FOXJ2: variants seen among roughly 807,000 people sequenced by gnomAD.
The protein encoded by FOXJ2 is forkhead box protein J2.
FOXJ2 carries 18 observed loss-of-function variants against 68.4 expected under a neutral mutation model. That is an observed-to-expected ratio of 0.26 (90% CI 0.18 to 0.39). The LOEUF (loss-of-function observed/expected upper bound fraction) is 0.39, where lower values mean the gene tolerates loss of function less well. Among genes scored for constraint, FOXJ2 ranks in the 10% least tolerant of loss-of-function variants. The pLI, the probability that FOXJ2 is intolerant of heterozygous loss-of-function variation, is 1.00. For synonymous variants in FOXJ2, 274 were observed against 263.2 expected (o/e 1.04, Z -0.40); for missense variants, 670 against 726.5 (o/e 0.92, Z 0.89).
chr12:8,048,662 C>G (rs1412454546), intron 7 of FOXJ2, 35 bp from the exon 8 acceptor site: 1 of 1,573,330 alleles, frequency 6.4e-7, no homozygotes, highest in African/African-American at 1.4e-5. Flanking sequence ...ACACTTCACT[C>G]TATCTTATTA....
rs1406554016 is a variant in FOXJ2, at chr12:8,032,918, G to T, written c.-930G>T. 5.0e-6 allele frequency: 2 copies of T among 397,848 alleles called. No individual in the cohort carries two copies. The highest frequency in any genetic ancestry group is 2.1e-5 in the African/African-American group (1 of 48,582). The allele number at this position is 397,848 out of a possible 1,614,324, so 24.6% of individuals were successfully genotyped here. On this transcript the variant is annotated 5_prime_UTR_variant, in exon 1 of 11. Transcript: ENST00000162391. The surrounding 1 kb of genome is among the most constrained non-coding windows in gnomAD (Gnocchi z 4.8). ...AGCAGGGACCGGAGTCTCGAGCCGC[G>T]GCCTCCCGGACCGTGCTGCCCAGGC...
At chr12:8,039,787 G>C in intron 1 of FOXJ2, 32 bp from the exon 2 acceptor site, 1 of 1,545,856 alleles carries the variant, frequency 6.5e-7, no homozygotes, top group East Asian at 2.3e-5. Flanking sequence ...CTTGCCCCCA[G>C]TATTTTCGTC....
chr12:8,049,304 G>T, intron 8 of FOXJ2, 58 bp from the exon 9 acceptor site: 1 of 1,433,846 alleles, frequency 7.0e-7, no homozygotes, highest in Non-Finnish European at 9.6e-7. Flanking sequence ...ATAGGGCGGG[G>T]TCTGATAGGG....
At chr12:8,050,648 C>A (rs1947104424) in intron 10 of FOXJ2, 28 bp downstream of exon 10, 2 of 1,612,152 alleles carry the variant, frequency 1.2e-6, no homozygotes, top group Middle Eastern at 1.6e-4. Flanking sequence ...TGTTTCAAAA[C>A]CGTTGTACTC....
chr12:8,050,769 T>C, intron 10 of FOXJ2, 149 bp downstream of exon 10: 1 of 901,590 alleles, frequency 1.1e-6, no homozygotes, highest in Non-Finnish European at 1.7e-6. Context: ...GAGGATGGGT[T>C]ACCTGCTAAG....
chr12:8,049,913 G>T, intron 9 of FOXJ2: 1 of 367,820 alleles, frequency 2.7e-6, no homozygotes, highest in South Asian at 9.3e-5. Flanking sequence ...GTGGTTCTAT[G>T]CTTATGTGAT....
intron 9 of FOXJ2, chr12:8,050,257 T>G: frequency 4.8e-5 from 53 of 1,109,988 alleles, no homozygotes; most frequent in South Asian, 6.2e-5. Flanking sequence ...ATTACAGGCA[T>G]GAGCCACCAT....
Position 8,050,540 on chromosome 12 carries a change from C to T in FOXJ2, c.1556C>T (p.Pro519Leu), listed in dbSNP as rs1386805842. 11 of 1,613,650 alleles carry T rather than the reference C, an allele frequency of 6.8e-6. No homozygotes were observed. The highest frequency in any genetic ancestry group is 8.5e-6 in the Non-Finnish European group (10 of 1,179,860). Residue 519 changes from proline (P) to leucine (L), a missense_variant, in exon 10 of 11, where the codon CCA becomes CTA. Transcript: ENST00000162391. ...AMSQVNSYGH[P>L]QAPHLYPGPS... is the part of the protein sequence containing the mutation. The stretch of plus-strand genomic sequence containing the variant: ...TTGGCAGTGAACTCTTATGGGCACC[C>T]ACAAGCTCCCCACCTCTACCCTGGC...
rs1433772387 is a variant in FOXJ2, at chr12:8,038,825, GTGCAGCGAGCGTGCC to G, written c.-14-990_-14-976del. On this transcript the variant is annotated intron_variant, in intron 1 of 10. Coordinates refer to ENST00000162391, the MANE Select transcript of FOXJ2 (RefSeq NM_018416.3). The surrounding 1 kb of genome is among the most constrained non-coding windows in gnomAD (Gnocchi z 5.3). The stretch of plus-strand genomic sequence containing the variant: ...GGCAGCTCCAGGAGTTTGCATGGAG[GTGCAGCGAGCGTGCC>G]TGCCTGGCTGGGAAGGAAGGAGGGA... 6.6e-6 allele frequency among the ~76,000 whole-genome samples: 1 copy of G among 151,976 alleles called. No homozygotes were observed. The highest frequency in any genetic ancestry group is 1.5e-5 in the Non-Finnish European group (1 of 68,036).
intron 2 of FOXJ2, 42 bp from the exon 3 acceptor site, chr12:8,042,616 C>A: frequency 6.5e-7 from 1 of 1,539,472 alleles, no homozygotes; most frequent in South Asian, 1.1e-5. Flanking sequence ...ATGTTCTGCT[C>A]TGCATAATGC....
At chr12:8,051,456 A>C (rs992464359) in intron 10 of FOXJ2, among the ~76,000 whole-genome samples, 7 of 152,180 alleles carry the variant, frequency 4.6e-5, no homozygotes, top group African/African-American at 1.7e-4. Flanking sequence ...TAGCAACTGC[A>C]ATAGTAAAAG....
intron 6 of FOXJ2, among the ~76,000 whole-genome samples, chr12:8,045,320 G>C (rs1363701967): frequency 6.6e-6 from 1 of 151,494 alleles, no homozygotes; most frequent in Non-Finnish European, 1.5e-5. Context: ...CCGGGTTCAA[G>C]CAATTCTCCT....
At chr12:8,050,747 T>G in intron 10 of FOXJ2, 127 bp downstream of exon 10, 1 of 1,056,548 alleles carries the variant, frequency 9.5e-7, no homozygotes, top group East Asian at 2.6e-5. Context: ...GCCTTTATAA[T>G]TCCCAAGGCT....
chr12:8,050,213 G>T, intron 9 of FOXJ2: 1 of 519,668 alleles, frequency 1.9e-6, no homozygotes, highest in Non-Finnish European at 2.7e-6. Context: ...TGGACTCAAG[G>T]GATCTACCCA....
At position 8,038,339 on chromosome 12, in the gene FOXJ2, G is replaced by A. The variant is rs1946923071; in HGVS notation, c.-14-1480G>A. Among the ~76,000 whole-genome samples, 1 of 152,164 alleles carries A rather than the reference G, an allele frequency of 6.6e-6. No homozygotes were observed. The highest frequency in any genetic ancestry group is 2.1e-4 in the South Asian group (1 of 4,824). ...ATGTGTTGGAGTCAGGAGAGAGGGG[G>A]ACATGGTCCTATCTGCTGTTGAGCT... On this transcript the variant is annotated intron_variant, in intron 1 of 10. Transcript: ENST00000162391. This position sits in a 1 kb window ranked among gnomAD's most constrained non-coding sequence, Gnocchi z 5.3.
At chr12:8,045,554 G>A (rs1160823711) in intron 6 of FOXJ2, among the ~76,000 whole-genome samples, 1 of 152,298 alleles carries the variant, frequency 6.6e-6, no homozygotes, top group Non-Finnish European at 1.5e-5. Flanking sequence ...GTTTCACCAC[G>A]TTGGCTGGGC....
rs1013267549 is a variant in FOXJ2, at chr12:8,040,170, G to A, written c.333+5G>A. The A allele has an allele frequency of 6.2e-7, 1 of 1,613,260 alleles. No homozygotes were observed. Among genetic ancestry groups the A allele is most frequent in the Non-Finnish European group, 8.5e-7 (1 of 1,179,486 alleles). ...AATGCTGGCATTGGTTGGAAGGTGG[G>A]AATGCTTCTATAATCTTGGCTTAGG... On this transcript the variant is annotated splice_donor_5th_base_variant and intron_variant, in intron 2 of 10. Transcript: ENST00000162391. The surrounding 1 kb of genome is among the most constrained non-coding windows in gnomAD (Gnocchi z 4.0).
rs373410301 is a variant in FOXJ2 at position 8,048,730 on chromosome 12, C to T, written c.1259C>T (p.Ser420Phe). Residue 420 changes from serine to phenylalanine, a missense_variant, in exon 8 of 11, where the codon TCT (serine) becomes TTT (phenylalanine). Ser to Phe is a radical substitution (Grantham distance 155, BLOSUM62 -2). This residue lies in a region of FOXJ2 where 555 missense variants were observed against 562.2 expected (regional missense o/e 0.99). Transcript: ENST00000162391. Reference sequence around the variant, plus strand: ...TCTGACTGGTGCTCTAATATTGACTCTTTAAAGGAAAGCTTCAAGATGGTG... The same window carrying T: ...TCTGACTGGTGCTCTAATATTGACTTTTTAAAGGAAAGCTTCAAGATGGTG... Reference protein sequence around the residue: ...FPSDWCSNIDSLKESFKMVNR... With the variant: ...FPSDWCSNIDFLKESFKMVNR... The T allele has an allele frequency of 3.7e-6, 6 of 1,614,036 alleles. No homozygotes were observed. Among genetic ancestry groups the T allele is most frequent in the Non-Finnish European group, 5.1e-6 (6 of 1,180,034 alleles).
rs757035129 is a variant in FOXJ2 at position 8,035,258 on chromosome 12, G to C, written c.-15+1425G>C. On this transcript the variant is annotated intron_variant, in intron 1 of 10. Coordinates refer to ENST00000162391, the MANE Select transcript of FOXJ2 (RefSeq NM_018416.3). This position sits in a 1 kb window ranked among gnomAD's most constrained non-coding sequence, Gnocchi z 4.0. ...GACTATACTCCAGTTACCTAGAATT[G>C]TATGTTTCTGGTGGGCCTCTAGAAG... Among the ~76,000 whole-genome samples, 1 of 152,182 alleles carries C rather than the reference G, an allele frequency of 6.6e-6. No individual in the cohort carries two copies. The highest frequency in any genetic ancestry group is 1.5e-5 in the Non-Finnish European group (1 of 68,026).
Sources: gnomAD v4.1 joint callset for allele counts (sites outside exome capture counted in the v4.1 genomes callset) on GRCh38, gnomAD v4.1.1 for gene constraint, gnomAD v4.1.1 regional missense constraint, Gnocchi (gnomAD v3.1) non-coding constraint, MANE v1.5 for transcripts, NCBI Gene and HGNC (gene_info 2026-07-23, HGNC 2026-07-21) for gene names.